The following GOLPH3 variants were observed in gnomAD, a reference collection of about 807,000 sequenced individuals.
GOLPH3 encodes the protein coat protein GPP34.
In GOLPH3, 14 loss-of-function variants were observed where a neutral mutation model predicts 28.5. That is an observed-to-expected ratio of 0.49 (90% CI 0.32 to 0.77). GOLPH3 has a LOEUF of 0.77. GOLPH3 is among the 30% of genes least tolerant of loss of function. The pLI is 0.03. For synonymous variants in GOLPH3, 158 were observed against 159.2 expected, an observed-to-expected ratio of 0.99 and a Z score of 0.06; for missense variants, 350 against 393.7, an observed-to-expected ratio of 0.89 and a Z score of 0.94.
intron 3 of GOLPH3, among the ~76,000 whole-genome samples, chr5:32,129,796 A>G (rs1745783448): frequency 6.6e-6 from 1 of 152,300 alleles, no homozygotes; most frequent in Non-Finnish European, 1.5e-5. Flanking sequence ...GCAGAATAGA[A>G]TAAGCCCTGG....
intron 1 of GOLPH3, among the ~76,000 whole-genome samples, chr5:32,164,806 A>C (rs1251254746): frequency 6.6e-6 from 1 of 150,980 alleles, no homozygotes; most frequent in African/African-American, 2.5e-5. Context: ...AATCTACTTA[A>C]TTAATACAGT....
At chr5:32,159,436 T>A (rs944886003) in intron 1 of GOLPH3, among the ~76,000 whole-genome samples, 2 of 152,202 alleles carry the variant, frequency 1.3e-5, no homozygotes, top group African/African-American at 2.4e-5. Flanking sequence ...GGTTTCAAAT[T>A]TTGGAACCAT....
intron 1 of GOLPH3, among the ~76,000 whole-genome samples, chr5:32,152,359 G>T (rs112445233): frequency 0.17 from 25,872 of 148,690 alleles, 5,105 homozygotes; most frequent in African/African-American, 0.49. Flanking sequence ...ACTCCTGACC[G>T]CGTGATCCGC....
In GOLPH3 at chr5:32,126,123, A is replaced by C. The variant is rs1745672477; in HGVS notation, c.*89T>G. The C allele has an allele frequency of 7.5e-7, 1 of 1,336,258 alleles. No homozygotes were observed. Among genetic ancestry groups the C allele is most frequent in the African/African-American group, 1.5e-5 (1 of 68,116 alleles). The allele number at this position is 1,336,258 out of a possible 1,614,324, so 82.8% of individuals were successfully genotyped here. A position where few individuals can be genotyped will look rare whatever the true frequency, so the allele number is the denominator to read the frequency against. On this transcript the variant is annotated 3_prime_UTR_variant, in exon 4 of 4. Coordinates refer to ENST00000265070, the MANE Select transcript of GOLPH3 (RefSeq NM_022130.4). The stretch of plus-strand genomic sequence containing the variant: ...AAACAGAAGCCAATTATAGTGTGGG[A>C]AAGTACAAATTACAGAAAACCAGAA...
chr5:32,157,515 T>A (rs1319251882), intron 1 of GOLPH3, among the ~76,000 whole-genome samples: 10 of 152,238 alleles, frequency 6.6e-5, no homozygotes, highest in Non-Finnish European at 1.3e-4. Context: ...ACTAGTTTCC[T>A]AAACACATCC....
At chr5:32,167,578 G>C (rs1255790328) in intron 1 of GOLPH3, among the ~76,000 whole-genome samples, 2 of 152,156 alleles carry the variant, frequency 1.3e-5, no homozygotes, top group African/African-American at 2.4e-5. Context: ...AGATGAGTTA[G>C]TGAATATTTT....
intron 1 of GOLPH3, among the ~76,000 whole-genome samples, chr5:32,168,530 C>A (rs1313069463): frequency 6.6e-6 from 1 of 152,108 alleles, no homozygotes; most frequent in Non-Finnish European, 1.5e-5. Flanking sequence ...CTGACTCTGG[C>A]TATCTTTAAA....
intron 2 of GOLPH3, among the ~76,000 whole-genome samples, chr5:32,141,206 C>T (rs975388315): frequency 3.3e-5 from 5 of 151,060 alleles, no homozygotes; most frequent in African/African-American, 1.2e-4. Context: ...TTCTTTCCTA[C>T]AGAACTATTA....
intron 1 of GOLPH3, among the ~76,000 whole-genome samples, chr5:32,159,379 G>T (rs1746525470): frequency 6.6e-6 from 1 of 152,218 alleles, no homozygotes; most frequent in Non-Finnish European, 1.5e-5. Context: ...AACAAAGTGT[G>T]CCAGGTATGG....
chr5:32,131,412 G>C (rs1318909574), intron 3 of GOLPH3, among the ~76,000 whole-genome samples: 3 of 152,216 alleles, frequency 2.0e-5, no homozygotes, highest in African/African-American at 7.2e-5. Flanking sequence ...GGGATAGGAA[G>C]ACAATAGATG....
rs535628694 is a variant in GOLPH3 at position 32,157,838 on chromosome 5, A to G, written c.226-13958T>C. ...ACTAAAAATACAAAATTAGCCGGGC[A>G]TGGTGGTGCATGCCTGTAATCCCAG... On this transcript the variant is annotated intron_variant, in intron 1 of 3. Coordinates refer to ENST00000265070, the MANE Select transcript of GOLPH3 (RefSeq NM_022130.4). Among the ~76,000 whole-genome samples, 446 of 151,946 alleles carry G rather than the reference A, an allele frequency of 2.9e-3. 2 individuals carry two copies. The highest frequency in any genetic ancestry group is 0.011 in the African/African-American group (436 of 41,444).
rs542210327 is a variant in GOLPH3, at chr5:32,145,004, C to G, written c.226-1124G>C. ...CAATTTTGGTAGGAGAACAGGCCAA[C>G]TGAATCTCTAAAGAATGGAGGGCCC... On this transcript the variant is annotated intron_variant, in intron 1 of 3. Coordinates refer to ENST00000265070, the MANE Select transcript of GOLPH3 (RefSeq NM_022130.4). Among the ~76,000 whole-genome samples, 12 of 152,308 alleles carry G rather than the reference C, an allele frequency of 7.9e-5. No individual in the cohort carries two copies. In the East Asian group the frequency reaches 2.3e-3, roughly 29 times the overall value.
At chr5:32,136,784 CA>C (rs1211692072) in intron 2 of GOLPH3, among the ~76,000 whole-genome samples, 6 of 152,058 alleles carry the variant, frequency 3.9e-5, no homozygotes, top group African/African-American at 1.4e-4. Context: ...ACAAATATTC[CA>C]AAATCCAGAA....
intron 3 of GOLPH3, among the ~76,000 whole-genome samples, chr5:32,134,389 G>A (rs1745887910): frequency 6.6e-6 from 1 of 151,758 alleles, no homozygotes; most frequent in Admixed American, 6.6e-5. Flanking sequence ...TGTGTTTTTT[G>A]GTAGAAACAG....
At chr5:32,138,981 T>C (rs1419762609) in intron 2 of GOLPH3, among the ~76,000 whole-genome samples, 1 of 152,262 alleles carries the variant, frequency 6.6e-6, no homozygotes, top group East Asian at 1.9e-4. Flanking sequence ...ATTCTTTATA[T>C]TTATTGCAAT....
chr5:32,140,879 G>A (rs925361702), intron 2 of GOLPH3, among the ~76,000 whole-genome samples: 9 of 151,770 alleles, frequency 5.9e-5, no homozygotes, highest in Admixed American at 6.6e-5. Flanking sequence ...AGAAAACAGT[G>A]GGCTGGGCAT....
intron 1 of GOLPH3, among the ~76,000 whole-genome samples, chr5:32,152,690 G>A (rs761664124): frequency 1.3e-5 from 2 of 151,278 alleles, no homozygotes; most frequent in African/African-American, 4.9e-5. Context: ...GCTGAGGCAG[G>A]AGAATCGCTT....
In GOLPH3 at chr5:32,173,894, C is replaced by A; in HGVS notation, c.141G>T (p.Gln47His). 2.6e-6 allele frequency: 4 copies of A among 1,521,250 alleles called. No homozygotes were observed. The highest frequency in any genetic ancestry group is 2.6e-6 in the Non-Finnish European group (3 of 1,137,786). The allele number at this position is 1,521,250 out of a possible 1,614,324, so 94.2% of individuals were successfully genotyped here. A position where few individuals can be genotyped will look rare whatever the true frequency, so the allele number is the denominator to read the frequency against. ...EDDAQSRRDE[Q>H]DDDDKGDSKE... is the part of the protein sequence containing the mutation. ...TGGAGTCGCCCTTGTCGTCGTCGTC[C>A]TGCTCGTCGCGGCGGCTCTGCGCGT... Residue 47 changes from glutamine (Q) to histidine (H), a missense_variant, in exon 1 of 4, where the codon CAG (glutamine) becomes CAT (histidine). By Grantham distance (24) the Gln-to-His change is conservative. Coordinates refer to ENST00000265070, the MANE Select transcript of GOLPH3 (RefSeq NM_022130.4).
At chr5:32,159,191 C>G (rs1053305089) in intron 1 of GOLPH3, among the ~76,000 whole-genome samples, 1 of 152,182 alleles carries the variant, frequency 6.6e-6, no homozygotes, top group African/African-American at 2.4e-5. Flanking sequence ...TTGAGTATCC[C>G]TGTACTTGGG....
Sources: allele counts gnomAD v4.1 joint callset (sites outside exome capture counted in the v4.1 genomes callset), GRCh38; gene constraint gnomAD v4.1.1; transcripts MANE v1.5; gene names NCBI Gene and HGNC (gene_info 2026-07-23, HGNC 2026-07-21).